C10orf90: variants seen among roughly 807,000 people sequenced by gnomAD.
The protein encoded by C10orf90 is (E2-independent) E3 ubiquitin-conjugating enzyme FATS.
In C10orf90, 56 loss-of-function variants were observed where a neutral mutation model predicts 62.5. The observed-to-expected ratio is 0.90, with a 90% CI of 0.72 to 1.12. The LOEUF is 1.12. Ranked by LOEUF, C10orf90 falls within the 50% of genes most tolerant of loss-of-function variation. The pLI is 0.00. For synonymous variants in C10orf90, 386 were observed against 340.4 expected (o/e 1.13, Z -1.47); for missense variants, 970 against 880.4 (o/e 1.10, Z -1.29).
rs554742056 is a variant in C10orf90 at position 126,514,127 on chromosome 10, T to C, written c.314-188A>G. ...TTTCATGCCCTCCATTTAACCTCTC[T>C]GGGTTCGTTATTAGTTTATTCAGCT... On this transcript the variant is annotated intron_variant, in intron 2 of 9. Transcript: ENST00000488181. Among the ~76,000 whole-genome samples, 3 of 152,322 alleles carry C rather than the reference T, an allele frequency of 2.0e-5. No individual in the cohort carries two copies. The South Asian group carries it at 6.2e-4, about 32-fold the overall frequency.
intron 2 of C10orf90, among the ~76,000 whole-genome samples, chr10:126,559,260 C>T (rs1864848014): frequency 6.6e-6 from 1 of 152,132 alleles, no homozygotes; most frequent in Non-Finnish European, 1.5e-5. Context: ...CAGATGTTTC[C>T]AGCATTTCCA....
Position 126,465,004 on chromosome 10 carries a change from G to A in C10orf90, c.1535-18C>T, listed in dbSNP as rs1345402796. 1.3e-6 allele frequency: 2 copies of A among 1,590,294 alleles called. No homozygotes were observed. The highest frequency in any genetic ancestry group is 2.7e-5 in the African/African-American group (2 of 74,224). On this transcript the variant is annotated intron_variant, in intron 4 of 9. Transcript: ENST00000488181. ...TGTGTGTACTAAAAATAAAACGAGA[G>A]TTGTGCTCAAAATCTCTTATGAATC...
rs1432232047 is a variant in C10orf90, at chr10:126,461,541, T to C, written c.1870A>G (p.Lys624Glu). ...GGTGTGGTGGGGTCCTCACTCTTCT[T>C]ACATTCCTTTATTTTTACAACCAAG... is the stretch of plus-strand genomic sequence containing the variant. ...CDLVVKIKEC[K>E]KSEDPTTPEP... Residue 624 changes from lysine to glutamate, a missense_variant, in exon 6 of 10, where the codon AAG becomes GAG. Coordinates refer to ENST00000488181, the MANE Select transcript of C10orf90 (RefSeq NM_001350921.2). 6.2e-7 allele frequency: 1 copy of C among 1,613,878 alleles called. No homozygotes were observed. The highest frequency in any genetic ancestry group is 1.1e-5 in the South Asian group (1 of 91,014).
intron 2 of C10orf90, among the ~76,000 whole-genome samples, chr10:126,595,718 C>G (rs1396015877): frequency 6.6e-6 from 1 of 152,090 alleles, no homozygotes; most frequent in Non-Finnish European, 1.5e-5. Flanking sequence ...ATGTGAAACT[C>G]TGTATTCAAA....
chr10:126,530,869 G>GA (rs1470664846), intron 2 of C10orf90, among the ~76,000 whole-genome samples: 2 of 151,830 alleles, frequency 1.3e-5, no homozygotes, highest in East Asian at 1.9e-4. Context: ...GAGGGAGAAA[G>GA]AAAAAATGAA....
chr10:126,527,946 A>C (rs1363091092), intron 2 of C10orf90, among the ~76,000 whole-genome samples: 1 of 152,244 alleles, frequency 6.6e-6, no homozygotes. Context: ...TTCTTTAAAA[A>C]GTTAATGATG....
At chr10:126,496,233 A>G (rs934165566) in intron 4 of C10orf90, among the ~76,000 whole-genome samples, 1 of 152,076 alleles carries the variant, frequency 6.6e-6, no homozygotes, top group Non-Finnish European at 1.5e-5. Context: ...GACACCCCCT[A>G]TTCATATAAC....
chr10:126,466,829 A>T (rs2133750168), intron 4 of C10orf90, among the ~76,000 whole-genome samples: 1 of 152,360 alleles, frequency 6.6e-6, no homozygotes, highest in Non-Finnish European at 1.5e-5. Flanking sequence ...TCATTTGGAG[A>T]CGTTTGACTA....
intron 4 of C10orf90, among the ~76,000 whole-genome samples, chr10:126,490,643 T>A (rs894810185): frequency 6.6e-6 from 1 of 152,050 alleles, no homozygotes; most frequent in African/African-American, 2.4e-5. Flanking sequence ...TTATGTGTAT[T>A]TTATCAAAAT....
intron 2 of C10orf90, among the ~76,000 whole-genome samples, chr10:126,573,749 A>G (rs544130248): frequency 6.6e-6 from 1 of 152,272 alleles, no homozygotes; most frequent in South Asian, 2.1e-4. Flanking sequence ...TGTTTCCCTG[A>G]CTGATCCCCA....
chr10:126,665,826 C>T (rs1041859481), intron 1 of C10orf90, among the ~76,000 whole-genome samples: 12 of 152,100 alleles, frequency 7.9e-5, no homozygotes, highest in Admixed American at 2.6e-4. Context: ...AAGAGGAGAA[C>T]TGCAAAGGAG....
chr10:126,492,883 G>C (rs1322655244), intron 4 of C10orf90, among the ~76,000 whole-genome samples: 2 of 152,148 alleles, frequency 1.3e-5, no homozygotes, highest in African/African-American at 4.8e-5. Flanking sequence ...TCTTTGACCA[G>C]AAGTTCTAGA....
intron 2 of C10orf90, among the ~76,000 whole-genome samples, chr10:126,581,155 T>A (rs74158837): frequency 0.013 from 1,911 of 152,316 alleles, 43 homozygotes; most frequent in African/African-American, 0.044. Context: ...CTTAGCTAGA[T>A]CAGCTTTCTC....
At chr10:126,497,813 A>G (rs527991094) in intron 4 of C10orf90, among the ~76,000 whole-genome samples, 2 of 152,342 alleles carry the variant, frequency 1.3e-5, no homozygotes, top group Admixed American at 1.3e-4. Flanking sequence ...CTAAATTGGC[A>G]TGGCTATTTT....
chr10:126,440,172 G>A (rs995661789), intron 7 of C10orf90, among the ~76,000 whole-genome samples: 1 of 151,316 alleles, frequency 6.6e-6, no homozygotes, highest in Non-Finnish European at 1.5e-5. Context: ...TCTTAGCCCT[G>A]CTTGTCCACT....
intron 2 of C10orf90, among the ~76,000 whole-genome samples, chr10:126,608,649 T>A (rs1845367173): frequency 6.6e-6 from 1 of 152,236 alleles, no homozygotes; most frequent in African/African-American, 2.4e-5. Context: ...AGACAGCACA[T>A]CACAATGGAT....
chr10:126,639,733 A>G (rs1291408693), intron 2 of C10orf90, among the ~76,000 whole-genome samples: 1 of 152,262 alleles, frequency 6.6e-6, no homozygotes, highest in East Asian at 1.9e-4. Flanking sequence ...TGTCTGACAC[A>G]AAGCTATATA....
intron 4 of C10orf90, among the ~76,000 whole-genome samples, chr10:126,487,158 A>G (rs1380180136): frequency 6.7e-6 from 1 of 150,072 alleles, no homozygotes; most frequent in Non-Finnish European, 1.5e-5. Flanking sequence ...AAAAAAAAAA[A>G]AAAAAAAAAA....
intron 1 of C10orf90, among the ~76,000 whole-genome samples, chr10:126,651,203 G>T (rs976994023): frequency 6.6e-6 from 1 of 152,098 alleles, no homozygotes; most frequent in Non-Finnish European, 1.5e-5. Flanking sequence ...GTTGTTTCCT[G>T]ACTCTCCCTT....
Sources: gnomAD v4.1 joint callset for allele counts (sites outside exome capture counted in the v4.1 genomes callset) on GRCh38, gnomAD v4.1.1 for gene constraint, MANE v1.5 for transcripts, NCBI Gene and HGNC (gene_info 2026-07-23, HGNC 2026-07-21) for gene names.